Variants in NDUFV2 observed in about 807,000 individuals in gnomAD.
The protein encoded by NDUFV2 is NADH dehydrogenase [ubiquinone] flavoprotein 2, mitochondrial.
In NDUFV2, 18 loss-of-function variants were observed where a neutral mutation model predicts 31.6. The ratio of observed to expected loss-of-function variants is 0.57; its 90% CI spans 0.39 to 0.84. The LOEUF (loss-of-function observed/expected upper bound fraction) is 0.84, where lower values mean the gene tolerates loss of function less well. Ranked by LOEUF, NDUFV2 falls within the 40% of genes least tolerant of loss-of-function variation. The pLI is 0.00. For synonymous variants in NDUFV2, 83 were observed against 99.8 expected (o/e 0.83, Z 1.01); for missense variants, 314 against 303.6 (o/e 1.03, Z -0.26).
Position 9,104,137 on chromosome 18 carries a change from G to T in NDUFV2, c.54+1340G>T, listed in dbSNP as rs1280177564. 2.5e-6 allele frequency: 4 copies of T among 1,612,434 alleles called. No homozygotes were observed. The Admixed American group carries it at 6.7e-5, about 27-fold the overall frequency. ...TACTAACAGATTGGGCATGGGGTCC[G>T]AGGGTATTCTAGGTGGAAAGGACAA... is the stretch of plus-strand genomic sequence containing the variant. On this transcript the variant is annotated intron_variant, in intron 1 of 7. Coordinates refer to ENST00000318388, the MANE Select transcript of NDUFV2 (RefSeq NM_021074.5).
At chr18:9,104,477 A>T (rs1250259351) in intron 1 of NDUFV2, among the ~76,000 whole-genome samples, 3 of 152,226 alleles carry the variant, frequency 2.0e-5, no homozygotes, top group South Asian at 4.1e-4. Context: ...TAGGTGAAAG[A>T]TGATGAGGAT....
At chr18:9,105,548 C>A (rs2077837467) in intron 1 of NDUFV2, among the ~76,000 whole-genome samples, 1 of 152,240 alleles carries the variant, frequency 6.6e-6, no homozygotes, top group African/African-American at 2.4e-5. Flanking sequence ...GAACTTATCA[C>A]TGCCTCATTC....
chr18:9,130,283 A>G (rs974088557), intron 7 of NDUFV2, among the ~76,000 whole-genome samples: 1 of 152,230 alleles, frequency 6.6e-6, no homozygotes, highest in Non-Finnish European at 1.5e-5. Flanking sequence ...GCAGGAACTA[A>G]GTACTCAGTT....
chr18:9,118,815 GTTT>G (rs71168030), intron 2 of NDUFV2, among the ~76,000 whole-genome samples: 3 of 76,762 alleles, frequency 3.9e-5, no homozygotes, highest in South Asian at 5.8e-4. Flanking sequence ...AGATGGTGCT[GTTT>G]TTTTTTTTTT....
intron 1 of NDUFV2, among the ~76,000 whole-genome samples, chr18:9,113,723 CTG>C (rs1372338114): frequency 1.3e-5 from 2 of 152,208 alleles, no homozygotes; most frequent in Non-Finnish European, 2.9e-5. Flanking sequence ...TAGAAAAGCA[CTG>C]TGAAAATCCC....
At chr18:9,123,656 T>C (rs2077960145) in intron 5 of NDUFV2, among the ~76,000 whole-genome samples, 1 of 152,092 alleles carries the variant, frequency 6.6e-6, no homozygotes, top group African/African-American at 2.4e-5. Flanking sequence ...AGCTAATTGA[T>C]TTTTGTTTGT....
At chr18:9,113,497 C>A (rs752092428) in intron 1 of NDUFV2, among the ~76,000 whole-genome samples, 1 of 152,180 alleles carries the variant, frequency 6.6e-6, no homozygotes, top group Non-Finnish European at 1.5e-5. Flanking sequence ...GCAGCATGAA[C>A]TTCATGTCAG....
intron 7 of NDUFV2, among the ~76,000 whole-genome samples, chr18:9,128,685 A>T (rs2078013709): frequency 6.6e-6 from 1 of 152,158 alleles, no homozygotes; most frequent in Admixed American, 6.5e-5. Flanking sequence ...TGTCCCCCCA[A>T]AAAGTACAAA....
At chr18:9,107,132 T>G (rs1303115534) in intron 1 of NDUFV2, among the ~76,000 whole-genome samples, 1 of 152,210 alleles carries the variant, frequency 6.6e-6, no homozygotes, top group Non-Finnish European at 1.5e-5. Flanking sequence ...TAGCCATAAA[T>G]TAGCAGTTTA....
chr18:9,123,527 C>A (rs1265894509), intron 5 of NDUFV2, among the ~76,000 whole-genome samples: 1 of 151,702 alleles, frequency 6.6e-6, no homozygotes, highest in Non-Finnish European at 1.5e-5. Context: ...CACTTTGTCA[C>A]CAGGCTGGAA....
In NDUFV2 at chr18:9,117,897, A is replaced by G; in HGVS notation, c.114A>G (p.Leu38=). ...TGCAAAATGGAGCTGGAGGAGCTTTATTTGTGGTAAGTAATTACTTAGATT... is the reference window on the plus strand; with the variant it reads ...TGCAAAATGGAGCTGGAGGAGCTTTGTTTGTGGTAAGTAATTACTTAGATT... The part of the protein sequence containing the change: ...TVMQNGAGGA[L]FVHRDTPENN... Residue 38 remains leucine, a synonymous_variant, in exon 2 of 8, where the codon TTA becomes TTG. Coordinates refer to ENST00000318388, the MANE Select transcript of NDUFV2 (RefSeq NM_021074.5). 1.3e-6 allele frequency: 2 copies of G among 1,589,528 alleles called. No individual in the cohort carries two copies. Among genetic ancestry groups the G allele is most frequent in the Non-Finnish European group, 8.6e-7 (1 of 1,157,770 alleles).
At chr18:9,115,251 G>A (rs190829702) in intron 1 of NDUFV2, among the ~76,000 whole-genome samples, 1 of 152,168 alleles carries the variant, frequency 6.6e-6, no homozygotes, top group African/African-American at 2.4e-5. Flanking sequence ...AATTATTTAT[G>A]GCCTTCTAGT....
At chr18:9,120,557 A>G (rs2144743670) in intron 4 of NDUFV2, among the ~76,000 whole-genome samples, 1 of 152,360 alleles carries the variant, frequency 6.6e-6, no homozygotes. Flanking sequence ...CTAGACAATC[A>G]TCTTTCTGAG....
intron 1 of NDUFV2, among the ~76,000 whole-genome samples, chr18:9,111,511 C>G (rs979300239): frequency 6.6e-6 from 1 of 151,822 alleles, no homozygotes; most frequent in African/African-American, 2.4e-5. Flanking sequence ...TCACTGCAAC[C>G]TCTGCATCCT....
intron 7 of NDUFV2, among the ~76,000 whole-genome samples, chr18:9,131,224 T>C (rs1251392928): frequency 6.6e-6 from 1 of 152,214 alleles, no homozygotes; most frequent in Admixed American, 6.5e-5. Flanking sequence ...TCATGTTGTA[T>C]AGGCTGAGGA....
chr18:9,116,400 A>AGT (rs1183988051), intron 1 of NDUFV2, among the ~76,000 whole-genome samples: 1 of 152,208 alleles, frequency 6.6e-6, no homozygotes, highest in Non-Finnish European at 1.5e-5. Context: ...AATTTAGTTA[A>AGT]GTAACTCACT....
intron 7 of NDUFV2, among the ~76,000 whole-genome samples, chr18:9,132,704 G>C (rs1046264650): frequency 4.6e-5 from 7 of 152,066 alleles, no homozygotes; most frequent in African/African-American, 1.4e-4. Context: ...GTGAGGTCTT[G>C]TCTCTACGAA....
rs147110431 is a variant in NDUFV2, at chr18:9,122,534, C to T, written c.322C>T (p.Pro108Ser). 33 of 1,613,512 alleles carry T rather than the reference C, an allele frequency of 2.0e-5. No homozygotes were observed. Among genetic ancestry groups the T allele is most frequent in the Non-Finnish European group, 2.7e-5 (32 of 1,179,636 alleles). The change falls in exon 5 of 8, where the codon CCT becomes TCT. Residue 108 changes from proline to serine, a missense_variant. Physicochemically the swap from Pro to Ser is moderately conservative, Grantham distance 74. Transcript: ENST00000318388. ...TTAGGTTGCAGAAGTTTTACAAGTA[C>T]CTCCAATGAGAGTATATGAAGTAGC... is the stretch of plus-strand genomic sequence containing the variant. ...MNKVAEVLQV[P>S]PMRVYEVATF... is the part of the protein sequence containing the mutation.
At chr18:9,117,066 TTGCTCTGC>T (rs1315383643) in intron 1 of NDUFV2, among the ~76,000 whole-genome samples, 1 of 151,612 alleles carries the variant, frequency 6.6e-6, no homozygotes, top group East Asian at 1.9e-4. Context: ...AGACGGAGCC[TTGCTCTGC>T]TGCTCAGGCT....
Sources: gnomAD v4.1 joint callset for allele counts (sites outside exome capture counted in the v4.1 genomes callset) on GRCh38, gnomAD v4.1.1 for gene constraint, MANE v1.5 for transcripts, NCBI Gene and HGNC (gene_info 2026-07-23, HGNC 2026-07-21) for gene names.